The following PDZRN4 variants were observed in gnomAD, a reference collection of about 807,000 sequenced individuals.
The protein encoded by PDZRN4 is PDZ domain-containing RING finger protein 4.
PDZRN4 carries 70 observed loss-of-function variants against 99.0 expected under a neutral mutation model. The ratio of observed to expected loss-of-function variants is 0.71; its 90% CI spans 0.58 to 0.86. The LOEUF is 0.86. PDZRN4 is among the 40% of genes least tolerant of loss of function. PDZRN4 has a pLI of 0.00. For synonymous variants in PDZRN4, 551 were observed against 501.6 expected (o/e 1.10, Z -1.32); for missense variants, 1,474 against 1,331.2 (o/e 1.11, Z -1.67).
intron 3 of PDZRN4, among the ~76,000 whole-genome samples, chr12:41,498,862 C>A (rs901808482): frequency 6.6e-6 from 1 of 152,220 alleles, no homozygotes; most frequent in East Asian, 1.9e-4. Flanking sequence ...ATTTTAGATG[C>A]AACTACTTTT....
chr12:41,291,094 T>C (rs991116667), intron 3 of PDZRN4, among the ~76,000 whole-genome samples: 1 of 152,136 alleles, frequency 6.6e-6, no homozygotes, highest in Non-Finnish European at 1.5e-5. Flanking sequence ...TATAAAACAC[T>C]TTCAAGATGT....
rs548717142 is a variant in PDZRN4, at chr12:41,238,827, G to A, written c.843+44639G>A. On this transcript the variant is annotated intron_variant, in intron 3 of 9. Coordinates refer to ENST00000402685, the MANE Select transcript of PDZRN4 (RefSeq NM_001164595.2). ...TAAAAAAACAACAGATGCTGGCGAG[G>A]TTGTATAGAAAAGGGAATGCTTTTA... Among the ~76,000 whole-genome samples the A allele has an allele frequency of 1.8e-3, 278 of 152,292 alleles. 8 individuals are homozygous for A. The highest frequency in any genetic ancestry group is 0.018 in the Admixed American group (276 of 15,290).
chr12:41,227,911 A>AT (rs750406011), intron 3 of PDZRN4, among the ~76,000 whole-genome samples: 22 of 146,676 alleles, frequency 1.5e-4, no homozygotes, highest in Non-Finnish European at 2.9e-4. Flanking sequence ...ACACACACAC[A>AT]CACACACACC....
intron 3 of PDZRN4, among the ~76,000 whole-genome samples, chr12:41,462,094 A>T (rs776865023): frequency 1.3e-5 from 2 of 152,220 alleles, no homozygotes; most frequent in Non-Finnish European, 2.9e-5. Context: ...CCAGTAGTTC[A>T]GCTTGCTTTC....
At chr12:41,242,628 G>GACACACACAC (rs112751345) in intron 3 of PDZRN4, among the ~76,000 whole-genome samples, 1 of 148,566 alleles carries the variant, frequency 6.7e-6, no homozygotes, top group East Asian at 2.0e-4. Context: ...TGTTCTTGTG[G>GACACACACAC]ACACACACAC....
At chr12:41,258,486 AG>A (rs1951217549) in intron 3 of PDZRN4, among the ~76,000 whole-genome samples, 1 of 152,162 alleles carries the variant, frequency 6.6e-6, no homozygotes, top group Non-Finnish European at 1.5e-5. Context: ...ATTAGCTTTA[AG>A]AAATCTTTTC....
intron 3 of PDZRN4, among the ~76,000 whole-genome samples, chr12:41,337,799 A>G (rs1158359244): frequency 6.6e-6 from 1 of 152,122 alleles, no homozygotes; most frequent in Non-Finnish European, 1.5e-5. Flanking sequence ...GAGATTAACC[A>G]TCTTTGACAC....
intron 3 of PDZRN4, among the ~76,000 whole-genome samples, chr12:41,499,382 A>C (rs2120653683): frequency 6.6e-6 from 1 of 152,248 alleles, no homozygotes; most frequent in East Asian, 1.9e-4. Flanking sequence ...ATTTATAAAG[A>C]GGTTAATAAA....
At chr12:41,391,690 C>T (rs899627512) in intron 3 of PDZRN4, among the ~76,000 whole-genome samples, 12 of 152,180 alleles carry the variant, frequency 7.9e-5, no homozygotes, top group African/African-American at 2.9e-4. Context: ...TACTCCTCCC[C>T]CAATCACTAG....
intron 3 of PDZRN4, among the ~76,000 whole-genome samples, chr12:41,215,063 A>G: frequency 6.6e-6 from 1 of 152,096 alleles, no homozygotes; most frequent in East Asian, 1.9e-4. Context: ...ATAGCCTTCA[A>G]ACACAGTTGC....
chr12:41,244,813 T>C (rs1951123942), intron 3 of PDZRN4, among the ~76,000 whole-genome samples: 1 of 148,048 alleles, frequency 6.8e-6, no homozygotes, highest in African/African-American at 2.5e-5. Flanking sequence ...GCCTCCCGAG[T>C]AGCTGGGACT....
intron 5 of PDZRN4, among the ~76,000 whole-genome samples, chr12:41,551,338 C>T (rs1180328021): frequency 6.6e-6 from 1 of 152,082 alleles, no homozygotes; most frequent in Non-Finnish European, 1.5e-5. Flanking sequence ...CTACCAAAGT[C>T]CCCACCTCCT....
chr12:41,188,467 C>A lies in PDZRN4; in HGVS notation c.12C>A (p.Ala4=). The part of the protein sequence containing the change: MGF[A]LERFAEAVDP... ...TCCCCATCCCTAACATGGGCTTTGC[C>A]CTGGAGCGCTTCGCAGAAGCCGTGG... The change falls in exon 1 of 10, where the codon GCC becomes GCA. Residue 4 remains alanine, a synonymous_variant. Transcript: ENST00000402685. 6.3e-7 allele frequency: 1 copy of A among 1,590,460 alleles called. No homozygotes were observed. The highest frequency in any genetic ancestry group is 1.7e-4 in the Middle Eastern group (1 of 6,024).
At chr12:41,195,517 T>C (rs1159367528) in intron 3 of PDZRN4, among the ~76,000 whole-genome samples, 3 of 152,116 alleles carry the variant, frequency 2.0e-5, no homozygotes, top group South Asian at 4.1e-4. Context: ...GAAGACCCAA[T>C]AGTTTGCTGT....
intron 6 of PDZRN4, among the ~76,000 whole-genome samples, chr12:41,554,002 C>T (rs566455082): frequency 6.6e-6 from 1 of 152,254 alleles, no homozygotes; most frequent in South Asian, 2.1e-4. Flanking sequence ...TAGAAAACAA[C>T]ACAACTCTGT....
chr12:41,268,905 G>T (rs956574096), intron 3 of PDZRN4, among the ~76,000 whole-genome samples: 1 of 152,158 alleles, frequency 6.6e-6, no homozygotes, highest in African/African-American at 2.4e-5. Flanking sequence ...GAAACTAAGG[G>T]ATTTCATTTT....
At chr12:41,270,366 A>G (rs1398724288) in intron 3 of PDZRN4, among the ~76,000 whole-genome samples, 1 of 149,224 alleles carries the variant, frequency 6.7e-6, no homozygotes, top group African/African-American at 2.5e-5. Context: ...TTAGATTGTT[A>G]ATGCATGTAA....
intron 8 of PDZRN4, 33 bp from the exon 9 acceptor site, chr12:41,567,750 C>T: frequency 7.2e-7 from 1 of 1,392,380 alleles, no homozygotes; most frequent in Non-Finnish European, 1.0e-6. Context: ...TTCTCACTAA[C>T]ATAATATAAT....
intron 3 of PDZRN4, among the ~76,000 whole-genome samples, chr12:41,506,148 A>G (rs1433694515): frequency 2.0e-5 from 3 of 152,040 alleles, no homozygotes; most frequent in Non-Finnish European, 2.9e-5. Flanking sequence ...CTATCTGAAG[A>G]CTTCGGTGAC....
Sources: allele counts gnomAD v4.1 joint callset (sites outside exome capture counted in the v4.1 genomes callset), GRCh38; gene constraint gnomAD v4.1.1; transcripts MANE v1.5; gene names NCBI Gene and HGNC (gene_info 2026-07-23, HGNC 2026-07-21).